The following CECR2 variants were observed in gnomAD, a reference collection of about 807,000 sequenced individuals.
CECR2 encodes the protein chromatin remodeling regulator CECR2.
In CECR2, 30 loss-of-function variants were observed where a neutral mutation model predicts 154.5. The observed-to-expected ratio is 0.19, with a 90% confidence interval of 0.15 to 0.26. The LOEUF (loss-of-function observed/expected upper bound fraction) is 0.26. Among genes scored for constraint, CECR2 ranks in the 10% least tolerant of loss-of-function variants. The pLI is 1.00. For synonymous variants in CECR2, 725 were observed against 683.7 expected, an observed-to-expected ratio of 1.06 and a Z score of -0.94; for missense variants, 1,743 against 1,829.3, an observed-to-expected ratio of 0.95 and a Z score of 0.86.
intron 1 of CECR2, among the ~76,000 whole-genome samples, chr22:17,383,731 C>T (rs2063227611): frequency 6.9e-6 from 1 of 145,222 alleles, no homozygotes; most frequent in East Asian, 2.0e-4. Context: ...GCAGTACGCT[C>T]TCAGCTCACT....
At chr22:17,431,744 C>T (rs1019422344) in intron 1 of CECR2, among the ~76,000 whole-genome samples, 5 of 151,676 alleles carry the variant, frequency 3.3e-5, no homozygotes, top group Admixed American at 6.6e-5. Context: ...GTTGTAACAT[C>T]AAACACGTTT....
intron 1 of CECR2, among the ~76,000 whole-genome samples, chr22:17,392,328 T>G (rs1332365676): frequency 2.0e-5 from 3 of 151,834 alleles, no homozygotes; most frequent in African/African-American, 7.3e-5. Context: ...CTGTCTCTAC[T>G]AAAAATACAA....
At chr22:17,486,412 G>A (rs78110804) in intron 2 of CECR2, among the ~76,000 whole-genome samples, 2,114 of 152,320 alleles carry the variant, frequency 0.014, 20 homozygotes, top group Non-Finnish European at 0.019. Context: ...GGAGGCCCCC[G>A]TGATGCTGTG....
At position 17,499,344 on chromosome 22, in the gene CECR2, T is replaced by C. The variant is rs113443146; in HGVS notation, c.406-66T>C. 5 of 1,555,666 alleles carry C rather than the reference T, an allele frequency of 3.2e-6. No homozygotes were observed. In the African/African-American group the frequency reaches 4.1e-5, roughly 13 times the overall value. On this transcript the variant is annotated intron_variant, in intron 3 of 18. Coordinates refer to ENST00000262608, the MANE Select transcript of CECR2 (RefSeq NM_001290047.2). ...CTTACGTGTAAATTTGGAATCCTCGTTCTGGTTTTTTCCTGGTGCGTTTTG... is the reference window on the plus strand; with the variant it reads ...CTTACGTGTAAATTTGGAATCCTCGCTCTGGTTTTTTCCTGGTGCGTTTTG...
intron 1 of CECR2, among the ~76,000 whole-genome samples, chr22:17,464,537 T>C (rs953576119): frequency 9.2e-5 from 14 of 152,254 alleles, no homozygotes; most frequent in African/African-American, 3.4e-4. Context: ...CTCTGCTTGG[T>C]CGTTCAGACT....
Position 17,477,103 on chromosome 22 carries a change from C to G in CECR2, c.127-485C>G, listed in dbSNP as rs200549613. On this transcript the variant is annotated intron_variant, in intron 1 of 18. Coordinates refer to ENST00000262608, the MANE Select transcript of CECR2 (RefSeq NM_001290047.2). ...TGTCATTATCACTTACTAACAAATGCCATTCAAAATACAGTGGTTCTTTAA... is the reference window on the plus strand; with the variant it reads ...TGTCATTATCACTTACTAACAAATGGCATTCAAAATACAGTGGTTCTTTAA... 7.4e-4 allele frequency: 532 copies of G among 721,934 alleles called. 2 individuals carry two copies. The highest frequency in any genetic ancestry group is 1.4e-3 in the South Asian group (94 of 67,788). The allele number at this position is 721,934 out of a possible 1,614,324, so 44.7% of individuals were successfully genotyped here.
chr22:17,541,835 G>T lies in CECR2; in HGVS notation c.1885-4G>T. 1 of 1,611,216 alleles carries T rather than the reference G, an allele frequency of 6.2e-7. No homozygotes were observed. On this transcript the variant is annotated splice_region_variant and splice_polypyrimidine_tract_variant and intron_variant, in intron 14 of 18. Coordinates refer to ENST00000262608, the MANE Select transcript of CECR2 (RefSeq NM_001290047.2). ...CTCTTCTTGCTTTGTTCAATGTGCT[G>T]CAGAGGCCAGCAGTACCAGGAACAT...
In CECR2 at chr22:17,500,695, C is replaced by T; in HGVS notation, c.610C>T (p.Pro204Ser). Residue 204 changes from proline (P) to serine (S), a missense_variant, in exon 5 of 19, where the codon CCC becomes TCC. Physicochemically the swap from Pro to Ser is moderately conservative, Grantham distance 74. Around this residue, in one of 4 missense-constraint regions of CECR2, gnomAD observed 292 missense variants for 301.2 expected, o/e 0.97. Coordinates refer to ENST00000262608, the MANE Select transcript of CECR2 (RefSeq NM_001290047.2). Reference protein sequence around the residue: ...PGKTGKRRGRPPKRKKLQEEI... With the variant: ...PGKTGKRRGRSPKRKKLQEEI... ...AAAAACGGGAAAAAGAAGAGGAAGA[C>T]CCCCAAAACGGAAGAAACTGCAGGA... 6.4e-7 allele frequency: 1 copy of T among 1,557,024 alleles called. No individual in the cohort carries two copies. The highest frequency in any genetic ancestry group is 8.7e-7 in the Non-Finnish European group (1 of 1,150,476).
At chr22:17,552,175 T>G in intron 18 of CECR2, 33 bp downstream of exon 18, 3 of 1,573,366 alleles carry the variant, frequency 1.9e-6, no homozygotes, top group Non-Finnish European at 2.6e-6. Flanking sequence ...GCTGTTCTTC[T>G]TCCTCCAGGT....
intron 1 of CECR2, among the ~76,000 whole-genome samples, chr22:17,408,909 A>G (rs1411018611): frequency 5.3e-5 from 8 of 152,174 alleles, no homozygotes; most frequent in Admixed American, 2.0e-4. Context: ...AACTTTCTGC[A>G]TCTTCTACCT....
chr22:17,405,878 A>G (rs1331012947), intron 1 of CECR2, among the ~76,000 whole-genome samples: 1 of 152,206 alleles, frequency 6.6e-6, no homozygotes, highest in African/African-American at 2.4e-5. Context: ...TGCACTGTCT[A>G]GAGCCAACCA....
chr22:17,546,236 C>T (rs2056611865), intron 16 of CECR2, among the ~76,000 whole-genome samples: 2 of 151,964 alleles, frequency 1.3e-5, no homozygotes, highest in Admixed American at 1.3e-4. Flanking sequence ...GCCTGTAATC[C>T]CAGCACTTTG....
At chr22:17,527,982 T>C (rs559665332) in intron 9 of CECR2, among the ~76,000 whole-genome samples, 1 of 152,312 alleles carries the variant, frequency 6.6e-6, no homozygotes, top group East Asian at 1.9e-4. Flanking sequence ...TCCCCCGCTA[T>C]GGAGAACAGC....
intron 1 of CECR2, among the ~76,000 whole-genome samples, chr22:17,447,120 C>T (rs559557274): frequency 8.1e-5 from 12 of 148,344 alleles, no homozygotes; most frequent in Admixed American, 3.4e-4. Context: ...CTGTAAGCTC[C>T]GCCTCCCGGG....
chr22:17,421,133 T>G (rs2054240111), intron 1 of CECR2, among the ~76,000 whole-genome samples: 1 of 152,176 alleles, frequency 6.6e-6, no homozygotes, highest in Non-Finnish European at 1.5e-5. Flanking sequence ...CATTCTCCAG[T>G]GCTGTTTCTT....
At chr22:17,426,045 G>A (rs1043824899) in intron 1 of CECR2, among the ~76,000 whole-genome samples, 2 of 152,120 alleles carry the variant, frequency 1.3e-5, no homozygotes, top group Non-Finnish European at 2.9e-5. Flanking sequence ...CCCATCATAT[G>A]TATAGCTTCA....
At chr22:17,417,612 T>C (rs1165572129) in intron 1 of CECR2, among the ~76,000 whole-genome samples, 3 of 152,066 alleles carry the variant, frequency 2.0e-5, no homozygotes, top group African/African-American at 7.2e-5. Context: ...CAGTCTGGCC[T>C]CTTATTTTAT....
intron 1 of CECR2, among the ~76,000 whole-genome samples, chr22:17,381,892 T>TG (rs1024976035): frequency 3.6e-4 from 54 of 148,604 alleles, no homozygotes; most frequent in African/African-American, 1.2e-3. Flanking sequence ...ACATTTTTTT[T>TG]TTTTGTTTTT....
intron 1 of CECR2, chr22:17,419,510 G>A (rs57958326): frequency 9.6e-4 from 158 of 165,164 alleles, no homozygotes; most frequent in African/African-American, 7.1e-3. Context: ...AGGAAGAGGA[G>A]GAAGAAGAAG....
Sources: allele counts gnomAD v4.1 joint callset (sites outside exome capture counted in the v4.1 genomes callset), GRCh38; gene constraint gnomAD v4.1.1; regional missense constraint gnomAD v4.1.1; transcripts MANE v1.5; gene names NCBI Gene and HGNC (gene_info 2026-07-23, HGNC 2026-07-21).